The following PPP2R2B variants were observed in gnomAD, a reference collection of about 807,000 sequenced individuals.
PPP2R2B encodes serine/threonine-protein phosphatase 2A 55 kDa regulatory subunit B beta isoform.
A neutral mutation model predicts 46.0 loss-of-function variants in PPP2R2B; 5 were observed. The observed-to-expected ratio is 0.11, with a 90% CI of 0.06 to 0.23. The LOEUF (loss-of-function observed/expected upper bound fraction) is 0.23, where lower values mean the gene tolerates loss of function less well. Ranked by LOEUF, PPP2R2B falls within the 10% of genes least tolerant of loss-of-function variation. The pLI, the probability that PPP2R2B is intolerant of heterozygous loss-of-function variation, is 1.00. For synonymous variants in PPP2R2B, 215 were observed against 206.7 expected (o/e 1.04, Z -0.34); for missense variants, 367 against 575.0 (o/e 0.64, Z 3.70).
intron 2 of PPP2R2B, among the ~76,000 whole-genome samples, chr5:146,875,746 T>C (rs1197160090): frequency 6.6e-6 from 1 of 152,114 alleles, no homozygotes; most frequent in Non-Finnish European, 1.5e-5. Context: ...CCCCACCCAG[T>C]AAGAGGGTAT....
In PPP2R2B at chr5:146,889,442, C is replaced by A. The variant is rs140107034; in HGVS notation, c.79+166223G>T. ...TATATAATCAGTCAATCCATCATGT[C>A]TACATAATTGAGCTCTAATAAAAAC... On this transcript the variant is annotated intron_variant, in intron 1 of 8. Coordinates refer to the PPP2R2B transcript ENST00000336640. 3.5e-3 allele frequency among the ~76,000 whole-genome samples: 527 copies of A among 152,276 alleles called. 3 individuals are homozygous for A. The highest frequency in any genetic ancestry group is 0.012 in the African/African-American group (505 of 41,536).
At chr5:146,912,046 T>C (rs1428008861) in intron 1 of PPP2R2B, among the ~76,000 whole-genome samples, 1 of 152,030 alleles carries the variant, frequency 6.6e-6, no homozygotes, top group Non-Finnish European at 1.5e-5. Context: ...GCGACCAGCC[T>C]GGGCAACAAG....
Position 146,689,162 on chromosome 5 carries a change from A to G in PPP2R2B, c.447+1966T>C, listed in dbSNP as rs182207894. Reference sequence around the variant, plus strand: ...AAAACAACAGAAGGGAACTAACATCATTGAGTGCTTTTTGTGAGCCAGCAC... The same window carrying G: ...AAAACAACAGAAGGGAACTAACATCGTTGAGTGCTTTTTGTGAGCCAGCAC... On this transcript the variant is annotated intron_variant, in intron 5 of 9. Transcript: ENST00000394411. 9.9e-5 allele frequency among the ~76,000 whole-genome samples: 15 copies of G among 152,266 alleles called. No individual in the cohort carries two copies. In the East Asian group the frequency reaches 2.1e-3, roughly 22 times the overall value.
chr5:146,597,134 C>A (rs1182734157), intron 8 of PPP2R2B, among the ~76,000 whole-genome samples: 1 of 152,146 alleles, frequency 6.6e-6, no homozygotes, highest in Non-Finnish European at 1.5e-5. Flanking sequence ...TTCTTTCAGC[C>A]ATCAAAAGTT....
At chr5:146,628,410 G>A (rs1204046688) in intron 7 of PPP2R2B, among the ~76,000 whole-genome samples, 1 of 152,218 alleles carries the variant, frequency 6.6e-6, no homozygotes, top group Admixed American at 6.5e-5. Flanking sequence ...GGGCCTTGCT[G>A]CTAGAAGAGA....
intron 1 of PPP2R2B, among the ~76,000 whole-genome samples, chr5:147,001,101 C>A (rs1261028975): frequency 6.6e-6 from 1 of 152,114 alleles, no homozygotes; most frequent in East Asian, 1.9e-4. Context: ...TAAAAACAGA[C>A]CAATCAGCAC....
At chr5:146,877,859 G>T in intron 2 of PPP2R2B, 143 bp downstream of exon 2, 1 of 968,778 alleles carries the variant, frequency 1.0e-6, no homozygotes, top group Non-Finnish European at 1.5e-6. Flanking sequence ...GGTGCACTGG[G>T]GCTGCCGGGG....
At chr5:146,833,500 A>G (rs1430132804) in intron 2 of PPP2R2B, among the ~76,000 whole-genome samples, 1 of 152,184 alleles carries the variant, frequency 6.6e-6, no homozygotes, top group Non-Finnish European at 1.5e-5. Flanking sequence ...CAATGAAAAC[A>G]TGGCATTTTT....
At chr5:147,026,915 C>A (rs1755552184) in intron 1 of PPP2R2B, among the ~76,000 whole-genome samples, 1 of 152,134 alleles carries the variant, frequency 6.6e-6, no homozygotes, top group South Asian at 2.1e-4. Flanking sequence ...AACCACATGA[C>A]CCAGCAGTTC....
intron 1 of PPP2R2B, among the ~76,000 whole-genome samples, chr5:146,918,621 T>C (rs1468657620): frequency 6.6e-6 from 1 of 152,204 alleles, no homozygotes; most frequent in Non-Finnish European, 1.5e-5. Flanking sequence ...TGCCTCTCTC[T>C]CAACCTCATC....
chr5:146,891,748 T>A (rs1256926168), intron 1 of PPP2R2B, among the ~76,000 whole-genome samples: 2 of 152,158 alleles, frequency 1.3e-5, no homozygotes, highest in Non-Finnish European at 2.9e-5. Flanking sequence ...TGTAGAGGCA[T>A]CTAGTGGAAT....
At chr5:146,931,037 G>A (rs970086263) in intron 1 of PPP2R2B, among the ~76,000 whole-genome samples, 9 of 151,852 alleles carry the variant, frequency 5.9e-5, no homozygotes, top group African/African-American at 2.2e-4. Context: ...TGAATATTTT[G>A]TTTGCTATTG....
intron 2 of PPP2R2B, among the ~76,000 whole-genome samples, chr5:146,843,852 G>C (rs1026691159): frequency 2.6e-5 from 4 of 151,780 alleles, no homozygotes; most frequent in East Asian, 1.9e-4. Context: ...GTCTATCATT[G>C]TTGGACATTT....
chr5:147,075,947 T>G (rs1436522480), intron 2 of PPP2R2B, among the ~76,000 whole-genome samples: 1 of 152,116 alleles, frequency 6.6e-6, no homozygotes, highest in Non-Finnish European at 1.5e-5. Flanking sequence ...GTTTAAAATA[T>G]ATTTCTAATT....
chr5:147,068,194 T>C (rs569007740), intron 2 of PPP2R2B, among the ~76,000 whole-genome samples: 1 of 152,242 alleles, frequency 6.6e-6, no homozygotes, highest in Non-Finnish European at 1.5e-5. Context: ...GCATTCACTC[T>C]GTGTCAAGCG....
At chr5:146,834,287 G>A (rs1415750249) in intron 2 of PPP2R2B, among the ~76,000 whole-genome samples, 4 of 152,092 alleles carry the variant, frequency 2.6e-5, no homozygotes, top group East Asian at 1.9e-4. Context: ...TTTATGTAGA[G>A]GAGAACAATG....
chr5:146,978,381 C>T (rs1250901257), intron 1 of PPP2R2B, among the ~76,000 whole-genome samples: 1 of 152,090 alleles, frequency 6.6e-6, no homozygotes, highest in East Asian at 1.9e-4. Context: ...TTAATTAGAT[C>T]CCATTTGTCA....
At chr5:147,056,115 G>A (rs747135672), upstream of PPP2R2B, 5 of 1,049,844 alleles carry the variant, frequency 4.8e-6, no homozygotes, top group Non-Finnish European at 5.8e-6. Context: ...TTCTCTTTTC[G>A]CAAGAGAAAT....
chr5:146,832,375 T>A (rs1206877963), intron 2 of PPP2R2B, among the ~76,000 whole-genome samples: 9 of 141,470 alleles, frequency 6.4e-5, no homozygotes, highest in African/African-American at 2.4e-4. Context: ...GTGCCATTTT[T>A]AATCTTTTTT....
Sources: allele counts gnomAD v4.1 joint callset (sites outside exome capture counted in the v4.1 genomes callset), GRCh38; gene constraint gnomAD v4.1.1; transcripts MANE v1.5; gene names NCBI Gene and HGNC (gene_info 2026-07-23, HGNC 2026-07-21).